The following KIF4B variants were observed in gnomAD, a reference collection of about 807,000 sequenced individuals.
KIF4B encodes the protein kinesin family member 4B.
Under a neutral mutation model 69.0 loss-of-function variants are expected in KIF4B, and 60 were observed. The ratio of observed to expected loss-of-function variants is 0.87; its 90% CI spans 0.71 to 1.08. KIF4B has a LOEUF of 1.08. Ranked by LOEUF, KIF4B falls within the 50% of genes least tolerant of loss-of-function variation. The pLI is 0.00. For missense variants in KIF4B, 1,357 were observed against 1,451.9 expected, an observed-to-expected ratio of 0.93 and a Z score of 1.06; for synonymous variants, 489 against 533.0, an observed-to-expected ratio of 0.92 and a Z score of 1.14.
In KIF4B at chr5:155,016,501, T is replaced by C. The variant is rs770990217; in HGVS notation, c.2642T>C (p.Val881Ala). The change falls in exon 1 of 1, where the codon GTC (valine) becomes GCC (alanine). Residue 881 changes from valine to alanine, a missense_variant. Physicochemically the swap from Val to Ala is moderately conservative, Grantham distance 64. Coordinates refer to ENST00000435029, the MANE Select transcript of KIF4B (RefSeq NM_001099293.3). ...GAGCTGGTCTCCTCCAAAATACATG[T>C]CACCAAACTTGAAAACAGCCTGAGA... ...IGELVSSKIHVTKLENSLRQS... is the reference protein window; with the variant it reads ...IGELVSSKIHATKLENSLRQS... 9.9e-6 allele frequency: 16 copies of C among 1,614,180 alleles called. No homozygotes were observed. The South Asian group carries it at 1.6e-4, about 17-fold the overall frequency.
rs768349945 is a variant in KIF4B at position 155,015,773 on chromosome 5, A to G, written c.1914A>G (p.Gln638=). Residue 638 remains glutamine (Q), a synonymous_variant, in exon 1 of 1, where the codon CAA becomes CAG. Transcript: ENST00000435029. ...AGCGTACTGTCTCCAAGCTGAACCA[A>G]GAGATATGGATGATGAAAAACCAGC... ...STERTVSKLN[Q]EIWMMKNQRV... 3.3e-5 allele frequency: 54 copies of G among 1,614,112 alleles called. No individual in the cohort carries two copies. The Admixed American group carries it at 8.8e-4, about 26-fold the overall frequency.
chr5:155,016,043 G>A lies in KIF4B; in HGVS notation c.2184G>A (p.Arg728=). 1.2e-6 allele frequency: 2 copies of A among 1,614,168 alleles called. No individual in the cohort carries two copies. Among genetic ancestry groups the A allele is most frequent in the Non-Finnish European group, 1.7e-6 (2 of 1,180,022 alleles). The change falls in exon 1 of 1, where the codon CGG becomes CGA. Residue 728 remains arginine, a synonymous_variant. Coordinates refer to ENST00000435029, the MANE Select transcript of KIF4B (RefSeq NM_001099293.3). ...AACAACGAGAGGTCACAGATAAGCG[G>A]AAAGAGACTCAGAGCCATGGAAAGG... ...LQKQREVTDK[R]KETQSHGKEG... is the part of the protein sequence containing the mutation.
rs1353261760 is a variant in KIF4B at position 155,017,337 on chromosome 5, G to C, written c.3478G>C (p.Val1160Leu). Residue 1160 changes from valine to leucine, a missense_variant, in exon 1 of 1, where the codon GTC (valine) becomes CTC (leucine). Physicochemically the swap from Val to Leu is conservative, Grantham distance 32. Coordinates refer to ENST00000435029, the MANE Select transcript of KIF4B (RefSeq NM_001099293.3). ...VTPGLSFFNP[V>L]CATPNSKILK... ...CCCAGGATTGAGCTTCTTTAACCCT[G>C]TCTGTGCCACCCCCAATAGCAAGAT... The C allele has an allele frequency of 2.5e-6, 4 of 1,614,064 alleles. No individual in the cohort carries two copies. Among genetic ancestry groups the C allele is most frequent in the African/African-American group, 1.3e-5 (1 of 74,930 alleles).
rs1312584356 is a variant in KIF4B, at chr5:155,015,542, A to G, written c.1683A>G (p.Ile561Met). Residue 561 changes from isoleucine (I) to methionine (M), a missense_variant, in exon 1 of 1, where the codon ATA (isoleucine) becomes ATG (methionine). Physicochemically the swap from Ile to Met is conservative, Grantham distance 10 (BLOSUM62 1). Transcript: ENST00000435029. ...TTCAGTTTCAATACCAGGATAACAT[A>G]AAAAATCTAGAATTAGAAGTCATCA... ...QPIQFQYQDN[I>M]KNLELEVINL... 10 of 1,614,092 alleles carry G rather than the reference A, an allele frequency of 6.2e-6. No homozygotes were observed. The highest frequency in any genetic ancestry group is 7.6e-6 in the Non-Finnish European group (9 of 1,180,060).
chr5:155,014,509 C>T lies in KIF4B; in HGVS notation c.650C>T (p.Thr217Ile), dbSNP rs759291184. The change falls in exon 1 of 1, where the codon ACA (threonine) becomes ATA (isoleucine). Residue 217 changes from threonine (T) to isoleucine (I), a missense_variant. Thr to Ile is a moderately conservative substitution (Grantham distance 89). Transcript: ENST00000435029. ...TCGTCCCGATCTCATGCCATCTTTA[C>T]AATCTCCATAGAGCAAAGAAAGAAA... The part of the protein sequence containing the change: ...SQSSRSHAIF[T>I]ISIEQRKKSD... The T allele has an allele frequency of 8.1e-6, 13 of 1,614,102 alleles. No homozygotes were observed. The highest frequency in any genetic ancestry group is 1.1e-5 in the South Asian group (1 of 91,072).
chr5:155,017,083 C>G lies in KIF4B; in HGVS notation c.3224C>G (p.Thr1075Arg). ...GGGGATGATGAGGAATGGAAGCCAA[C>G]AAAATTAGTCAAGGTGTCCAGGAAG... is the stretch of plus-strand genomic sequence containing the variant. ...DEGDDEEWKP[T>R]KLVKVSRKNI... is the part of the protein sequence containing the mutation. The change falls in exon 1 of 1, where the codon ACA becomes AGA. Residue 1075 changes from threonine (T) to arginine (R), a missense_variant. Transcript: ENST00000435029. 6.2e-7 allele frequency: 1 copy of G among 1,613,936 alleles called. No individual in the cohort carries two copies. The highest frequency in any genetic ancestry group is 8.5e-7 in the Non-Finnish European group (1 of 1,179,924).
In KIF4B at chr5:155,013,872, G is replaced by A; in HGVS notation, c.13G>A (p.Val5Met). The change falls in exon 1 of 1, where the codon GTG becomes ATG. Residue 5 changes from valine (V) to methionine (M), a missense_variant. Coordinates refer to ENST00000435029, the MANE Select transcript of KIF4B (RefSeq NM_001099293.3). ...CTGAGATAGGATCATGAAGGAAGAG[G>A]TGAAGGGAATTCCTGTAAGAGTGGC... Reference protein sequence around the residue: MKEEVKGIPVRVALR... With the variant: MKEEMKGIPVRVALR... 1.2e-6 allele frequency: 2 copies of A among 1,613,390 alleles called. No individual in the cohort carries two copies. Among genetic ancestry groups the A allele is most frequent in the Non-Finnish European group, 1.7e-6 (2 of 1,180,020 alleles).
chr5:155,015,949 C>A lies in KIF4B; in HGVS notation c.2090C>A (p.Ser697Tyr). 1 of 1,614,184 alleles carries A rather than the reference C, an allele frequency of 6.2e-7. No homozygotes were observed. Among genetic ancestry groups the A allele is most frequent in the Non-Finnish European group, 8.5e-7 (1 of 1,180,044 alleles). ...LKLERNFQKQ[S>Y]SVLRRKTEEA... ...CTTGAAAGAAACTTCCAGAAACAATCCAGTGTGCTCAGACGTAAAACGGAA... is the reference window on the plus strand; with the variant it reads ...CTTGAAAGAAACTTCCAGAAACAATACAGTGTGCTCAGACGTAAAACGGAA... Residue 697 changes from serine (S) to tyrosine (Y), a missense_variant, in exon 1 of 1, where the codon TCC becomes TAC. By Grantham distance (144) the Ser-to-Tyr change is moderately radical. Coordinates refer to ENST00000435029, the MANE Select transcript of KIF4B (RefSeq NM_001099293.3).
Position 155,015,510 on chromosome 5 carries a change from C to G in KIF4B, c.1651C>G (p.Gln551Glu). The change falls in exon 1 of 1, where the codon CAG becomes GAG. Residue 551 changes from glutamine to glutamate, a missense_variant. Coordinates refer to ENST00000435029, the MANE Select transcript of KIF4B (RefSeq NM_001099293.3). ...GATGACTCAGAACGACAACCAACTA[C>G]AGCCCATTCAGTTTCAATACCAGGA... ...RKMTQNDNQL[Q>E]PIQFQYQDNI... is the part of the protein sequence containing the mutation. 1.2e-6 allele frequency: 2 copies of G among 1,614,178 alleles called. No individual in the cohort carries two copies. The highest frequency in any genetic ancestry group is 1.7e-6 in the Non-Finnish European group (2 of 1,180,032).
In KIF4B at chr5:155,013,782, CGGCTGGGACAG is replaced by C; in HGVS notation, c.-74_-64del. 1 of 1,573,174 alleles carries C rather than the reference CGGCTGGGACAG, an allele frequency of 6.4e-7. No homozygotes were observed. Among genetic ancestry groups the C allele is most frequent in the Non-Finnish European group, 8.6e-7 (1 of 1,158,846 alleles). On this transcript the variant is annotated 5_prime_UTR_variant, in exon 1 of 1. Transcript: ENST00000435029. Reference sequence around the variant, plus strand: ...ATTTGAAACTTGGCGGTTAAAGCTCCGGCTGGGACAGGGCGGCGGGAGACCCCGGGTGAACG... The same window carrying C: ...ATTTGAAACTTGGCGGTTAAAGCTCCGGCGGCGGGAGACCCCGGGTGAACG...
chr5:155,014,447 C>T lies in KIF4B; in HGVS notation c.588C>T (p.Asn196=), dbSNP rs757717236. Reference sequence around the variant, plus strand: ...TTTCCTGTTTGGAGCAGGGCAACAACTCTAGGACTGTGGCCTCCACAGCTA... The same window carrying T: ...TTTCCTGTTTGGAGCAGGGCAACAATTCTAGGACTGTGGCCTCCACAGCTA... ...DTVSCLEQGN[N]SRTVASTAMN... Residue 196 remains asparagine, a synonymous_variant, in exon 1 of 1, where the codon AAC becomes AAT. Coordinates refer to ENST00000435029, the MANE Select transcript of KIF4B (RefSeq NM_001099293.3). 6.2e-7 allele frequency: 1 copy of T among 1,614,174 alleles called. No homozygotes were observed. The highest frequency in any genetic ancestry group is 1.1e-5 in the South Asian group (1 of 91,082).
Position 155,014,894 on chromosome 5 carries a change from T to C in KIF4B, c.1035T>C (p.Asp345=). The change falls in exon 1 of 1, where the codon GAT becomes GAC. Residue 345 remains aspartate (D), a synonymous_variant. Transcript: ENST00000435029. ...AGAACAAACCTATTGTTAATATTGATCCCCACACAGCTGAACTTAATCATC... is the reference window on the plus strand; with the variant it reads ...AGAACAAACCTATTGTTAATATTGACCCCCACACAGCTGAACTTAATCATC... The part of the protein sequence containing the change: ...KIKNKPIVNI[D]PHTAELNHLK... The C allele has an allele frequency of 1.2e-6, 2 of 1,614,148 alleles. No homozygotes were observed. The highest frequency in any genetic ancestry group is 1.7e-6 in the Non-Finnish European group (2 of 1,180,022).
Position 155,016,384 on chromosome 5 carries a change from T to C in KIF4B, c.2525T>C (p.Leu842Pro), listed in dbSNP as rs1334393327. 5.6e-6 allele frequency: 9 copies of C among 1,614,208 alleles called. No homozygotes were observed. The highest frequency in any genetic ancestry group is 6.8e-6 in the Non-Finnish European group (8 of 1,180,044). ...ATTGCTGACCTACAGCAGAAGCTGC[T>C]GGATGCAGAAAGTGAAGATAGGCCA... ...AQIADLQQKL[L>P]DAESEDRPKQ... The change falls in exon 1 of 1, where the codon CTG becomes CCG. Residue 842 changes from leucine to proline, a missense_variant. By Grantham distance (98) the Leu-to-Pro change is moderately conservative. Transcript: ENST00000435029.
In KIF4B at chr5:155,015,424, T is replaced by TG; in HGVS notation, c.1566dup (p.Ser523ValfsTer2). 1 of 1,614,172 alleles carries TG rather than the reference T, an allele frequency of 6.2e-7. No individual in the cohort carries two copies. The highest frequency in any genetic ancestry group is 8.5e-7 in the Non-Finnish European group (1 of 1,180,034). On this transcript the variant is annotated frameshift_variant, in exon 1 of 1. Coordinates refer to ENST00000435029, the MANE Select transcript of KIF4B (RefSeq NM_001099293.3). LOFTEE classifies it high-confidence loss of function. ...CAGCATGCTCTCCATCAAGCTCAGA[T>TG]GTCTAAGGAGGTGGTTGAGTTGAAT...
Position 155,015,161 on chromosome 5 carries a change from A to G in KIF4B, c.1302A>G (p.Leu434=), listed in dbSNP as rs1377719334. ...TGAATGAAAAACTGAACGCCAAGCT[A>G]GAAGAGCTCAGGCAGCATGTGGCCT... ...EQVNEKLNAK[L]EELRQHVACK... is the part of the protein sequence containing the mutation. Residue 434 remains leucine, a synonymous_variant, in exon 1 of 1, where the codon CTA becomes CTG. Transcript: ENST00000435029. The G allele has an allele frequency of 1.9e-6, 3 of 1,614,238 alleles. No individual in the cohort carries two copies.
Position 155,014,012 on chromosome 5 carries a change from C to T in KIF4B, c.153C>T (p.Tyr51=), listed in dbSNP as rs1180949850. ...VVVGTDKSFT[Y]DFVFDPCTEQ... is the part of the protein sequence containing the mutation. ...TTGGTACTGATAAATCCTTCACCTACGATTTTGTGTTTGACCCCTGTACTG... is the reference window on the plus strand; with the variant it reads ...TTGGTACTGATAAATCCTTCACCTATGATTTTGTGTTTGACCCCTGTACTG... The change falls in exon 1 of 1, where the codon TAC becomes TAT. Residue 51 remains tyrosine (Y), a synonymous_variant. Transcript: ENST00000435029. The T allele has an allele frequency of 1.9e-6, 3 of 1,614,188 alleles. No individual in the cohort carries two copies. Among genetic ancestry groups the T allele is most frequent in the Admixed American group, 1.7e-5 (1 of 60,022 alleles).
Position 155,013,836 on chromosome 5 carries a change from T to A in KIF4B, c.-24T>A, listed in dbSNP as rs1158758486. On this transcript the variant is annotated 5_prime_UTR_variant, in exon 1 of 1. It adds an upstream start codon to the 5' untranslated region. Coordinates refer to ENST00000435029, the MANE Select transcript of KIF4B (RefSeq NM_001099293.3). Reference sequence around the variant, plus strand: ...GGTGAACGGGGAAGGGACATTTAGTTTGAGACGGTGCTGAGATAGGATCAT... The same window carrying A: ...GGTGAACGGGGAAGGGACATTTAGTATGAGACGGTGCTGAGATAGGATCAT... The A allele has an allele frequency of 6.2e-7, 1 of 1,611,306 alleles. No homozygotes were observed. Among genetic ancestry groups the A allele is most frequent in the South Asian group, 1.1e-5 (1 of 90,972 alleles).
rs1765290433 is a variant in KIF4B, at chr5:155,014,548, GC to G, written c.690del (p.Cys230Ter). ...IEQRKKSDKN[C>X]SFRSKLHLVD... ...CAAAGAAAGAAAAGTGACAAGAATTGCAGCTTTCGCTCCAAGCTGCATCTTG... is the reference window on the plus strand; with the variant it reads ...CAAAGAAAGAAAAGTGACAAGAATTGAGCTTTCGCTCCAAGCTGCATCTTG... On this transcript the variant is annotated frameshift_variant, in exon 1 of 1. Coordinates refer to ENST00000435029, the MANE Select transcript of KIF4B (RefSeq NM_001099293.3). LOFTEE classifies it high-confidence loss of function. The G allele has an allele frequency of 6.2e-7, 1 of 1,614,000 alleles. No homozygotes were observed. The highest frequency in any genetic ancestry group is 8.5e-7 in the Non-Finnish European group (1 of 1,179,990).
Position 155,016,418 on chromosome 5 carries a change from C to G in KIF4B, c.2559C>G (p.Cys853Trp). 3 of 1,614,198 alleles carry G rather than the reference C, an allele frequency of 1.9e-6. No homozygotes were observed. Among genetic ancestry groups the G allele is most frequent in the South Asian group, 1.1e-5 (1 of 91,084 alleles). ...AAAGTGAAGATAGGCCAAAACAATG[C>G]TGGGAGAATATTGCCACCATTCTGG... ...DAESEDRPKQ[C>W]WENIATILEA... The change falls in exon 1 of 1, where the codon TGC (cysteine) becomes TGG (tryptophan). Residue 853 changes from cysteine to tryptophan, a missense_variant. Cys to Trp is a radical substitution (Grantham distance 215, BLOSUM62 -2). Transcript: ENST00000435029.
Sources: allele counts gnomAD v4.1 joint callset, GRCh38; gene constraint gnomAD v4.1.1; transcripts MANE v1.5; gene names NCBI Gene and HGNC (gene_info 2026-07-23, HGNC 2026-07-21).